Variants in TAT observed in about 807,000 individuals in gnomAD.
The protein encoded by TAT is L-tyrosine:2-oxoglutarate aminotransferase.
Under a neutral mutation model 53.6 loss-of-function variants are expected in TAT, and 35 were observed. That is an observed-to-expected ratio of 0.65 (90% CI 0.50 to 0.87). The LOEUF (loss-of-function observed/expected upper bound fraction) is 0.87, where lower values mean the gene tolerates loss of function less well. TAT is among the 40% of genes least tolerant of loss of function. TAT has a pLI of 0.00. For missense variants in TAT, 525 were observed against 571.8 expected (o/e 0.92, Z 0.83); for synonymous variants, 197 against 206.5 (o/e 0.95, Z 0.39).
chr16:71,572,063 C>T lies in TAT; in HGVS notation c.706+123G>A, dbSNP rs2044206674. 3.3e-6 allele frequency: 4 copies of T among 1,208,258 alleles called. No individual in the cohort carries two copies. In the South Asian group the frequency reaches 4.9e-5, roughly 15 times the overall value. 74.8% of individuals were successfully genotyped at this position (1,208,258 alleles called of 1,614,324 possible). A position where few individuals can be genotyped will look rare whatever the true frequency, so the allele number is the denominator to read the frequency against. On this transcript the variant is annotated intron_variant, in intron 6 of 11. Transcript: ENST00000355962. Reference sequence around the variant, plus strand: ...ATGGCACAGTATTGATGAGAGACATCAGTGGAGCTCCCCACCTCCACCCCA... The same window carrying T: ...ATGGCACAGTATTGATGAGAGACATTAGTGGAGCTCCCCACCTCCACCCCA...
intron 4 of TAT, 111 bp from the exon 5 acceptor site, chr16:71,572,799 G>T (rs958860571): frequency 1.6e-6 from 2 of 1,224,900 alleles, no homozygotes; most frequent in African/African-American, 3.0e-5. Context: ...TTAACAAGTT[G>T]TAAGTAGTAG....
Position 71,569,856 on chromosome 16 carries a change from T to G in TAT, c.1123A>C (p.Met375Leu), listed in dbSNP as rs775781030. 11 of 1,613,456 alleles carry G rather than the reference T, an allele frequency of 6.8e-6. No homozygotes were observed. The highest frequency in any genetic ancestry group is 1.3e-5 in the African/African-American group (1 of 74,924). ...GTGCCTGCCACCCACATACTCACCA[T>G]GAGGTACATAGCCCCAGAAGGGCGG... is the stretch of plus-strand genomic sequence containing the variant. The part of the protein sequence containing the change: ...PVRPSGAMYL[M>L]VGIEMEHFPE... The change falls in exon 10 of 12, where the codon ATG becomes CTG. Residue 375 changes from methionine to leucine, a missense_variant and splice_region_variant. Coordinates refer to ENST00000355962, the MANE Select transcript of TAT (RefSeq NM_000353.3).
chr16:71,572,567 T>C lies in TAT; in HGVS notation c.530A>G (p.Glu177Gly). ...PGFSLYKTLA[E>G]SMGIEVKLYN... ...GAGTTTGACCTCAATTCCCATAGAC[T>C]CAGCCAGAGTCTTGTAGAGAGAGAA... The change falls in exon 5 of 12, where the codon GAG becomes GGG. Residue 177 changes from glutamate (E) to glycine (G), a missense_variant. Coordinates refer to ENST00000355962, the MANE Select transcript of TAT (RefSeq NM_000353.3). 2 of 1,614,226 alleles carry C rather than the reference T, an allele frequency of 1.2e-6. No homozygotes were observed. Among genetic ancestry groups the C allele is most frequent in the Non-Finnish European group, 1.7e-6 (2 of 1,180,036 alleles).
intron 3 of TAT, among the ~76,000 whole-genome samples, chr16:71,574,598 A>C (rs2044224780): frequency 7.1e-6 from 1 of 140,526 alleles, no homozygotes; most frequent in Non-Finnish European, 1.6e-5. Context: ...AAAAAAAAAA[A>C]AAAAAAAAGA....
intron 4 of TAT, among the ~76,000 whole-genome samples, chr16:71,573,252 T>A (rs1451760617): frequency 6.6e-6 from 1 of 152,228 alleles, no homozygotes; most frequent in East Asian, 1.9e-4. Context: ...TGTTCTCAAA[T>A]GATCTTTTAC....
At position 71,565,788 on chromosome 16, in the gene TAT, G is replaced by A. The variant is rs940830653; in HGVS notation, c.*2356C>T. 7 of 152,364 alleles carry A rather than the reference G, an allele frequency of 4.6e-5. 1 individual carries two copies. Among genetic ancestry groups the A allele is most frequent in the Admixed American group, 1.3e-4 (2 of 15,282 alleles). 9.4% of individuals were successfully genotyped at this position (152,364 alleles called of 1,614,324 possible). The stretch of plus-strand genomic sequence containing the variant: ...CAAATGATAACTGATTCCCTCAGGG[G>A]AGAAGAAACTGGGTGGCTGAAGGAC... On this transcript the variant is annotated 3_prime_UTR_variant, in exon 12 of 12. Transcript: ENST00000355962.
In TAT at chr16:71,568,274, T is replaced by C. The variant is rs769525139; in HGVS notation, c.1235A>G (p.Tyr412Cys). The C allele has an allele frequency of 6.2e-7, 1 of 1,614,166 alleles. No individual in the cohort carries two copies. The highest frequency in any genetic ancestry group is 8.5e-7 in the Non-Finnish European group (1 of 1,180,024). The stretch of plus-strand genomic sequence containing the variant: ...GATGACCACTCGGATGAAATTCGGG[T>C]ACTCAAAGCACTGCAAAAAGAAGAG... ...VHCLPATCFE[Y>C]PNFIRVVITV... The change falls in exon 12 of 12, where the codon TAC (tyrosine) becomes TGC (cysteine). Residue 412 changes from tyrosine to cysteine, a missense_variant. Tyr to Cys is a radical substitution (Grantham distance 194, BLOSUM62 -2). Coordinates refer to ENST00000355962, the MANE Select transcript of TAT (RefSeq NM_000353.3).
At position 71,570,377 on chromosome 16, in the gene TAT, C is replaced by T. The variant is rs774056969; in HGVS notation, c.933G>A (p.Lys311=). The change falls in exon 9 of 12, where the codon AAG becomes AAA. Residue 311 remains lysine (K), a synonymous_variant. Coordinates refer to ENST00000355962, the MANE Select transcript of TAT (RefSeq NM_000353.3). ...AGGGTCCCAAAATGCGCTGACTCAG[C>T]TTCACCAGCCCATCTCGGATCTAAA... is the stretch of plus-strand genomic sequence containing the variant. ...FGNEIRDGLV[K]LSQRILGPCT... 5.0e-6 allele frequency: 8 copies of T among 1,614,082 alleles called. No individual in the cohort carries two copies. The highest frequency in any genetic ancestry group is 1.7e-5 in the Admixed American group (1 of 60,004).
At position 71,572,696 on chromosome 16, in the gene TAT, G is replaced by A. The variant is rs1199828524; in HGVS notation, c.409-8C>T. 1 of 1,614,160 alleles carries A rather than the reference G, an allele frequency of 6.2e-7. No homozygotes were observed. The highest frequency in any genetic ancestry group is 2.2e-5 in the East Asian group (1 of 44,890). On this transcript the variant is annotated splice_region_variant and splice_polypyrimidine_tract_variant and intron_variant, in intron 4 of 11. Coordinates refer to ENST00000355962, the MANE Select transcript of TAT (RefSeq NM_000353.3). The stretch of plus-strand genomic sequence containing the variant: ...ACTTGTCAGAATGACGTCCTGTGAA[G>A]GAAATAAAAGGTTAATTTCATTAGG...
At position 71,576,404 on chromosome 16, in the gene TAT, G is replaced by A. The variant is rs773782377; in HGVS notation, c.12C>T (p.Tyr4=). The part of the protein sequence containing the change: MDP[Y]MIQMSSKGNL... ...TGCCTTTGCTGCTCATCTGAATCAT[G>A]TATGGGTCCATCACTAGCGAAGCCT... Residue 4 remains tyrosine (Y), a synonymous_variant, in exon 2 of 12, where the codon TAC becomes TAT. Transcript: ENST00000355962. The A allele has an allele frequency of 1.2e-6, 2 of 1,614,160 alleles. No homozygotes were observed. Among genetic ancestry groups the A allele is most frequent in the Non-Finnish European group, 1.7e-6 (2 of 1,180,032 alleles).
In TAT at chr16:71,571,667, A is replaced by T. The variant is rs1251000492; in HGVS notation, c.707-9T>A. The T allele has an allele frequency of 1.9e-6, 3 of 1,613,936 alleles. No individual in the cohort carries two copies. Among genetic ancestry groups the T allele is most frequent in the African/African-American group, 1.3e-5 (1 of 74,946 alleles). On this transcript the variant is annotated splice_polypyrimidine_tract_variant and intron_variant, in intron 6 of 11. Coordinates refer to ENST00000355962, the MANE Select transcript of TAT (RefSeq NM_000353.3). ...ACACTGCCGTGCAGCCACTGAAAAT[A>T]AAACATGCTGAAATCAGTTTTAATG... is the stretch of plus-strand genomic sequence containing the variant.
intron 10 of TAT, 39 bp downstream of exon 10, chr16:71,569,812 TACA>T (rs1336754302): frequency 1.3e-6 from 2 of 1,586,934 alleles, no homozygotes; most frequent in Non-Finnish European, 1.7e-6. Flanking sequence ...CCCTTTGCCT[TACA>T]ACATGCATTG....
intron 11 of TAT, 82 bp downstream of exon 11, chr16:71,568,629 G>T: frequency 9.6e-7 from 1 of 1,046,072 alleles, no homozygotes; most frequent in Non-Finnish European, 1.5e-6. Flanking sequence ...GAGGAGAAAA[G>T]ATCAGGCTAA....
intron 7 of TAT, 83 bp downstream of exon 7, chr16:71,571,523 A>T: frequency 8.1e-7 from 1 of 1,237,078 alleles, no homozygotes; most frequent in Non-Finnish European, 1.2e-6. Flanking sequence ...AACGATTAGG[A>T]GTTGTTTCTG....
chr16:71,570,075 C>G (rs1445135694), intron 9 of TAT, 138 bp from the exon 10 acceptor site: 1 of 1,311,814 alleles, frequency 7.6e-7, no homozygotes, highest in Non-Finnish European at 1.1e-6. Context: ...AGAAAAAGCT[C>G]TATTACTTGA....
Position 71,567,788 on chromosome 16 carries a change from C to T in TAT, c.*356G>A, listed in dbSNP as rs543233100. On this transcript the variant is annotated 3_prime_UTR_variant, in exon 12 of 12. Coordinates refer to ENST00000355962, the MANE Select transcript of TAT (RefSeq NM_000353.3). ...GGTTGGGGGCACAAATTCTCTCAATCTTTTTCTTTTCCCTCATCCTGAGCT... is the reference window on the plus strand; with the variant it reads ...GGTTGGGGGCACAAATTCTCTCAATTTTTTTCTTTTCCCTCATCCTGAGCT... 9.2e-6 allele frequency: 3 copies of T among 327,508 alleles called. No individual in the cohort carries two copies. The highest frequency in any genetic ancestry group is 8.7e-5 in the Admixed American group (2 of 22,936). The allele number at this position is 327,508 out of a possible 1,614,324, so 20.3% of individuals were successfully genotyped here.
chr16:71,575,389 A>C (rs924162597), intron 3 of TAT: 3 of 157,442 alleles, frequency 1.9e-5, no homozygotes, highest in Non-Finnish European at 4.2e-5. Context: ...TCTATCCTTC[A>C]GTTTGACAGC....
intron 8 of TAT, 113 bp from the exon 9 acceptor site, chr16:71,570,510 C>T: frequency 6.3e-7 from 1 of 1,589,316 alleles, no homozygotes; most frequent in Non-Finnish European, 8.6e-7. Context: ...GTGATGGTGT[C>T]TAGTGGCATT....
chr16:71,568,074 C>G lies in TAT; in HGVS notation c.*70G>C. On this transcript the variant is annotated 3_prime_UTR_variant, in exon 12 of 12. Transcript: ENST00000355962. The stretch of plus-strand genomic sequence containing the variant: ...CTCTCCCAGTAGGGCCACCTGAGTC[C>G]CTGAGGAGCCGCAAGGCCTAGTCCA... 2 of 1,602,976 alleles carry G rather than the reference C, an allele frequency of 1.2e-6. No individual in the cohort carries two copies. The highest frequency in any genetic ancestry group is 1.7e-4 in the Middle Eastern group (1 of 5,844).
Sources: allele counts gnomAD v4.1 joint callset (sites outside exome capture counted in the v4.1 genomes callset), GRCh38; gene constraint gnomAD v4.1.1; transcripts MANE v1.5; gene names NCBI Gene and HGNC (gene_info 2026-07-23, HGNC 2026-07-21).